The following TEAD2 variants were observed in gnomAD, a reference collection of about 807,000 sequenced individuals.
The protein encoded by TEAD2 is transcriptional enhancer factor TEF-4.
In TEAD2, 51 loss-of-function variants were observed where a neutral mutation model predicts 61.4. The ratio of observed to expected loss-of-function variants is 0.83; its 90% CI spans 0.66 to 1.05. TEAD2 has a LOEUF of 1.05. Ranked by LOEUF, TEAD2 falls within the 50% of genes least tolerant of loss-of-function variation. The pLI, the probability that TEAD2 is intolerant of heterozygous loss-of-function variation, is 0.00. For missense variants in TEAD2, 509 were observed against 600.0 expected (o/e 0.85, Z 1.58); for synonymous variants, 244 against 243.2 (o/e 1.00, Z -0.03).
At chr19:49,343,863 G>A (rs111791046) in intron 10 of TEAD2, among the ~76,000 whole-genome samples, 2 of 144,118 alleles carry the variant, frequency 1.4e-5, no homozygotes, top group African/African-American at 5.0e-5. Flanking sequence ...TTTGGGGGGG[G>A]GGGAACAGGG....
In TEAD2 at chr19:49,341,480, G is replaced by A. The variant is rs1168141659; in HGVS notation, c.1243-43C>T. 3 of 1,534,496 alleles carry A rather than the reference G, an allele frequency of 2.0e-6. No individual in the cohort carries two copies. The highest frequency in any genetic ancestry group is 2.2e-5 in the South Asian group (2 of 88,976). On this transcript the variant is annotated intron_variant, in intron 12 of 12. Transcript: ENST00000593945. The surrounding 1 kb of genome is among the most constrained non-coding windows in gnomAD (Gnocchi z 4.2). ...ACAAGGGACTTATGCTTAGAAGGGA[G>A]GGCAGGGACCCCTGTGCCCCCCTGC...
chr19:49,357,023 T>C (rs1972450063), intron 4 of TEAD2, among the ~76,000 whole-genome samples: 1 of 151,482 alleles, frequency 6.6e-6, no homozygotes, highest in Non-Finnish European at 1.5e-5. Flanking sequence ...TGGGTCTCTG[T>C]CCTCCTCTCT....
rs377018384 is a variant in TEAD2 at position 49,355,343 on chromosome 19, A to C, written c.449T>G (p.Leu150Arg). The C allele has an allele frequency of 6.2e-7, 1 of 1,614,088 alleles. No individual in the cohort carries two copies. Among genetic ancestry groups the C allele is most frequent in the Non-Finnish European group, 8.5e-7 (1 of 1,180,056 alleles). Reference sequence around the variant, plus strand: ...ACCAGTGGGACCCAGTTTGGCCTGCAGAGAAGGCGCGGAGATGAGCTGGGC... The same window carrying C: ...ACCAGTGGGACCCAGTTTGGCCTGCCGAGAAGGCGCGGAGATGAGCTGGGC... ...SSAQLISAPS[L>R]QAKLGPTGPQ... The change falls in exon 6 of 13, where the codon CTG becomes CGG. Residue 150 changes from leucine to arginine, a missense_variant. By Grantham distance (102) the Leu-to-Arg change is moderately radical. Coordinates refer to ENST00000593945, the MANE Select transcript of TEAD2 (RefSeq NM_001256660.2).
At chr19:49,348,655 C>A in intron 9 of TEAD2, 48 bp downstream of exon 9, 2 of 1,500,804 alleles carry the variant, frequency 1.3e-6, no homozygotes, top group South Asian at 1.1e-5. Flanking sequence ...TTCCTGTCAC[C>A]CTCTATATTT....
rs778287483 is a variant in TEAD2, at chr19:49,347,254, T to A, written c.857A>T (p.Lys286Met). The A allele has an allele frequency of 1.2e-6, 2 of 1,613,992 alleles. No homozygotes were observed. The highest frequency in any genetic ancestry group is 2.2e-5 in the South Asian group (2 of 91,076). ...RQIYDKFPEK[K>M]GGLRELYDRG... ...ATCATATAGCTCTCGGAGGCCACCCTTTTTCTCAGGGAATTTGTCGTAGAT... is the reference window on the plus strand; with the variant it reads ...ATCATATAGCTCTCGGAGGCCACCCATTTTCTCAGGGAATTTGTCGTAGAT... The change falls in exon 10 of 13, where the codon AAG (lysine) becomes ATG (methionine). Residue 286 changes from lysine to methionine, a missense_variant. Physicochemically the swap from Lys to Met is moderately conservative, Grantham distance 95 (BLOSUM62 -1). Transcript: ENST00000593945.
In TEAD2 at chr19:49,359,515, C is replaced by G. The variant is rs1309509442; in HGVS notation, c.233-16G>C. The G allele has an allele frequency of 6.2e-7, 1 of 1,613,748 alleles. No individual in the cohort carries two copies. Among genetic ancestry groups the G allele is most frequent in the Non-Finnish European group, 8.5e-7 (1 of 1,179,860 alleles). Reference sequence around the variant, plus strand: ...TCATTCCGACCTGAAGATTCAAAGACGGAACAGAGTTAGTTAGACTTTCAA... The same window carrying G: ...TCATTCCGACCTGAAGATTCAAAGAGGGAACAGAGTTAGTTAGACTTTCAA... On this transcript the variant is annotated splice_polypyrimidine_tract_variant and intron_variant, in intron 2 of 12. Coordinates refer to ENST00000593945, the MANE Select transcript of TEAD2 (RefSeq NM_001256660.2). This position sits in a 1 kb window ranked among gnomAD's most constrained non-coding sequence, Gnocchi z 4.1.
chr19:49,355,160 C>T lies in TEAD2; in HGVS notation c.527G>A (p.Trp176Ter), dbSNP rs777613832. 1.8e-5 allele frequency: 29 copies of T among 1,609,784 alleles called. No homozygotes were observed. The highest frequency in any genetic ancestry group is 2.3e-5 in the Non-Finnish European group (27 of 1,177,862). ...QFWSGGSGPP[W>*]NVPDVKPFSQ... ...ACATAGTACTCACTCTGGAACATTC[C>T]AGGGGGGCCCAGATCCTCCAGACCA... The change falls in exon 7 of 13, where the codon TGG (tryptophan) becomes TAG (stop). Residue 176 changes from tryptophan (W) to a stop codon, truncating the protein, a stop_gained. Transcript: ENST00000593945. LOFTEE classifies it high-confidence loss of function.
At chr19:49,345,947 A>G (rs919310109) in intron 10 of TEAD2, among the ~76,000 whole-genome samples, 1 of 150,918 alleles carries the variant, frequency 6.6e-6, no homozygotes, top group African/African-American at 2.4e-5. Flanking sequence ...AGCGGATCAC[A>G]TGAGGTCAGG....
At chr19:49,347,149 C>T (rs773409674) in intron 10 of TEAD2, 41 bp downstream of exon 10, 3 of 1,606,058 alleles carry the variant, frequency 1.9e-6, no homozygotes, top group African/African-American at 1.3e-5. Context: ...TGGGACACCA[C>T]AGGATTTGTG....
rs1294710381 is a variant in TEAD2 at position 49,348,822 on chromosome 19, A to AG, written c.627dup (p.Ser210LeufsTer39). The AG allele has an allele frequency of 6.3e-7, 1 of 1,581,024 alleles. No homozygotes were observed. Among genetic ancestry groups the AG allele is most frequent in the Non-Finnish European group, 8.6e-7 (1 of 1,164,052 alleles). Reference sequence around the variant, plus strand: ...GATGGGGTAGGTGGGGGCAGGGGTGAGAGGGCTTGGGGGGGCTCGTACCCT... The same window carrying AG: ...GATGGGGTAGGTGGGGGCAGGGGTGAGGAGGGCTTGGGGGGGCTCGTACCCT... On this transcript the variant is annotated frameshift_variant, in exon 9 of 13. Coordinates refer to ENST00000593945, the MANE Select transcript of TEAD2 (RefSeq NM_001256660.2). LOFTEE classifies it high-confidence loss of function.
At position 49,347,233 on chromosome 19, in the gene TEAD2, T is replaced by C. The variant is rs1971708772; in HGVS notation, c.878A>G (p.Tyr293Cys). ...GAAGGCATGGGGGGGGCCACGATCA[T>C]ATAGCTCTCGGAGGCCACCCTTTTT... is the stretch of plus-strand genomic sequence containing the variant. ...PEKKGGLREL[Y>C]DRGPPHAFFL... is the part of the protein sequence containing the mutation. Residue 293 changes from tyrosine to cysteine, a missense_variant, in exon 10 of 13, where the codon TAT (tyrosine) becomes TGT (cysteine). Tyr to Cys is a radical substitution (Grantham distance 194, BLOSUM62 -2). Coordinates refer to ENST00000593945, the MANE Select transcript of TEAD2 (RefSeq NM_001256660.2). 6 of 1,614,120 alleles carry C rather than the reference T, an allele frequency of 3.7e-6. No homozygotes were observed. Among genetic ancestry groups the C allele is most frequent in the Non-Finnish European group, 5.1e-6 (6 of 1,180,020 alleles).
chr19:49,360,261 G>C, intron 1 of TEAD2, 180 bp from the exon 2 acceptor site: 1 of 608,788 alleles, frequency 1.6e-6, no homozygotes, highest in South Asian at 2.0e-5. Flanking sequence ...GGAGGATCTG[G>C]GGCCTGAACT....
chr19:49,353,859 C>A (rs1270681030), intron 7 of TEAD2, among the ~76,000 whole-genome samples: 1 of 151,706 alleles, frequency 6.6e-6, no homozygotes, highest in African/African-American at 2.4e-5. Flanking sequence ...TGGCTCAATG[C>A]AACCTCTGCC....
At chr19:49,348,478 C>T (rs1463151178) in intron 9 of TEAD2, among the ~76,000 whole-genome samples, 6 of 139,784 alleles carry the variant, frequency 4.3e-5, no homozygotes, top group African/African-American at 1.1e-4. Flanking sequence ...TCTCAAAGTA[C>T]GGTCCCCAGA....
At chr19:49,350,546 G>A (rs1971949947) in intron 8 of TEAD2, among the ~76,000 whole-genome samples, 1 of 151,940 alleles carries the variant, frequency 6.6e-6, no homozygotes, top group Non-Finnish European at 1.5e-5. Flanking sequence ...TGTTGGCCAG[G>A]TTGGTCTCGA....
At chr19:49,356,824 C>T (rs62126194) in intron 4 of TEAD2, among the ~76,000 whole-genome samples, 2 of 152,242 alleles carry the variant, frequency 1.3e-5, no homozygotes, top group South Asian at 2.1e-4. Flanking sequence ...TCTCAGCAAC[C>T]GCACCACCAT....
intron 9 of TEAD2, among the ~76,000 whole-genome samples, chr19:49,347,946 G>T (rs1481505918): frequency 6.6e-6 from 1 of 152,208 alleles, no homozygotes; most frequent in African/African-American, 2.4e-5. Context: ...CATTTCCCAG[G>T]CCGCTTTGCA....
chr19:49,352,383 T>C (rs969457849), intron 7 of TEAD2, among the ~76,000 whole-genome samples: 4 of 152,172 alleles, frequency 2.6e-5, no homozygotes, highest in African/African-American at 4.8e-5. Context: ...ACAGCCCTAG[T>C]AGCCCAAGAG....
intron 1 of TEAD2, among the ~76,000 whole-genome samples, chr19:49,361,093 G>C (rs1438839932): frequency 1.5e-5 from 2 of 129,150 alleles, no homozygotes; most frequent in African/African-American, 6.0e-5. Context: ...GACCCAAAAA[G>C]AGAGGGAGAC....
Sources: gnomAD v4.1 joint callset for allele counts (sites outside exome capture counted in the v4.1 genomes callset) on GRCh38, gnomAD v4.1.1 for gene constraint, Gnocchi (gnomAD v3.1) non-coding constraint, MANE v1.5 for transcripts, NCBI Gene and HGNC (gene_info 2026-07-23, HGNC 2026-07-21) for gene names.